The following SYT16 variants were observed in gnomAD, a reference collection of about 807,000 sequenced individuals.
SYT16 encodes synaptotagmin 16.
A neutral mutation model predicts 61.4 loss-of-function variants in SYT16; 42 were observed. The ratio of observed to expected loss-of-function variants is 0.68; its 90% CI spans 0.53 to 0.89. SYT16 has a LOEUF of 0.89. Among genes scored for constraint, SYT16 ranks in the 40% least tolerant of loss-of-function variants. The pLI is 0.00. For synonymous variants in SYT16, 314 were observed against 302.3 expected, an observed-to-expected ratio of 1.04 and a Z score of -0.40; for missense variants, 804 against 807.3, an observed-to-expected ratio of 1.00 and a Z score of 0.05.
intron 2 of SYT16, among the ~76,000 whole-genome samples, chr14:61,987,662 A>G (rs989821941): frequency 1.3e-5 from 2 of 152,122 alleles, no homozygotes; most frequent in African/African-American, 2.4e-5. Flanking sequence ...TAACTGTGCA[A>G]ATTACAAGGA....
rs192075181 is a variant in SYT16 at position 61,901,495 on chromosome 14, A to C, written c.-324-68637A>C. ...TTTTGAACTCTGCATTCTGGGTAGCAGTCTGTACCCTTAAGTAGTCTTGAT... is the reference window on the plus strand; with the variant it reads ...TTTTGAACTCTGCATTCTGGGTAGCCGTCTGTACCCTTAAGTAGTCTTGAT... On this transcript the variant is annotated intron_variant, in intron 1 of 7. Coordinates refer to ENST00000683842, the MANE Select transcript of SYT16 (RefSeq NM_001367656.1). Among the ~76,000 whole-genome samples, 213 of 152,290 alleles carry C rather than the reference A, an allele frequency of 1.4e-3. 1 individual carries two copies. Among genetic ancestry groups the C allele is most frequent in the African/African-American group, 5.0e-3 (208 of 41,562 alleles).
chr14:62,038,929 A>G (rs1309678452), intron 3 of SYT16, among the ~76,000 whole-genome samples: 1 of 152,186 alleles, frequency 6.6e-6, no homozygotes, highest in Non-Finnish European at 1.5e-5. Context: ...TTTTGTGCCT[A>G]CAAAGTGTTT....
chr14:62,065,054 T>C (rs901618237), intron 3 of SYT16, among the ~76,000 whole-genome samples: 2 of 151,648 alleles, frequency 1.3e-5, no homozygotes, highest in Non-Finnish European at 2.9e-5. Context: ...TAAGCCTGTA[T>C]GCACTCACAT....
intron 1 of SYT16, among the ~76,000 whole-genome samples, chr14:61,888,538 A>G (rs776988053): frequency 2.0e-5 from 3 of 152,238 alleles, no homozygotes; most frequent in Non-Finnish European, 4.4e-5. Context: ...ATTATTGATT[A>G]AGCTTACTGT....
At chr14:61,934,604 A>G (rs569430397) in intron 1 of SYT16, among the ~76,000 whole-genome samples, 2 of 152,298 alleles carry the variant, frequency 1.3e-5, no homozygotes, top group South Asian at 4.1e-4. Context: ...CACCACATTG[A>G]GATTTTATTG....
At chr14:61,832,236 G>A (rs2045962027) in intron 1 of SYT16, 2 of 622,176 alleles carry the variant, frequency 3.2e-6, no homozygotes, top group South Asian at 1.4e-5. Context: ...ATCGGGTACG[G>A]GATAGTCACG....
At chr14:61,832,218 T>C in intron 1 of SYT16, 7 of 638,528 alleles carry the variant, frequency 1.1e-5, no homozygotes, top group South Asian at 9.7e-5. Context: ...GTGCTTGACA[T>C]GGGCCACATC....
intron 1 of SYT16, among the ~76,000 whole-genome samples, chr14:61,834,887 G>A (rs1044999747): frequency 1.3e-5 from 2 of 152,194 alleles, no homozygotes; most frequent in Non-Finnish European, 2.9e-5. Context: ...AAAAAGATGT[G>A]TGTTGATATA....
intron 1 of SYT16, among the ~76,000 whole-genome samples, chr14:61,959,620 A>G (rs1040082774): frequency 6.6e-5 from 10 of 152,062 alleles, no homozygotes; most frequent in African/African-American, 9.7e-5. Flanking sequence ...TATTCTTACT[A>G]TCTTTTCTTT....
chr14:61,843,993 A>T (rs1279159574), intron 1 of SYT16, among the ~76,000 whole-genome samples: 2 of 152,208 alleles, frequency 1.3e-5, no homozygotes, highest in East Asian at 3.8e-4. Context: ...TGCTTTGGGT[A>T]GTATGAACAT....
intron 1 of SYT16, among the ~76,000 whole-genome samples, chr14:61,877,887 T>A (rs1433861836): frequency 3.3e-5 from 5 of 152,176 alleles, no homozygotes; most frequent in Non-Finnish European, 7.4e-5. Flanking sequence ...GGGAAACTGG[T>A]AGGTAGAACC....
intron 2 of SYT16, among the ~76,000 whole-genome samples, chr14:61,994,841 C>T (rs2052698508): frequency 6.6e-6 from 1 of 152,058 alleles, no homozygotes; most frequent in Admixed American, 6.6e-5. Flanking sequence ...CCATGAATGG[C>T]TAATAAAAAA....
intron 2 of SYT16, among the ~76,000 whole-genome samples, chr14:61,973,918 A>T (rs1189726875): frequency 6.6e-6 from 1 of 152,178 alleles, no homozygotes; most frequent in Non-Finnish European, 1.5e-5. Flanking sequence ...AGGAGGACAG[A>T]TGTGGGACCC....
At chr14:62,112,654 A>G (rs2057626670), downstream of SYT16, 1 of 152,210 alleles carries the variant, frequency 6.6e-6, no homozygotes, top group South Asian at 2.1e-4. Context: ...TAGTATATAC[A>G]AAAACCATTA....
intron 1 of SYT16, among the ~76,000 whole-genome samples, chr14:61,914,904 T>C (rs2049062435): frequency 6.6e-6 from 1 of 152,140 alleles, no homozygotes; most frequent in African/African-American, 2.4e-5. Flanking sequence ...CCTCCACTGG[T>C]TTCCAATTAT....
At chr14:61,964,162 T>C (rs1274838561) in intron 1 of SYT16, among the ~76,000 whole-genome samples, 1 of 152,190 alleles carries the variant, frequency 6.6e-6, no homozygotes, top group Non-Finnish European at 1.5e-5. Flanking sequence ...TAAGTTCAAC[T>C]TTCAAGCTCA....
rs561552408 is a variant in SYT16, at chr14:62,081,073, C to T, written c.1233C>T (p.Asn411=). 26 of 1,613,750 alleles carry T rather than the reference C, an allele frequency of 1.6e-5. No homozygotes were observed. The African/African-American group carries it at 2.0e-4, about 12-fold the overall frequency. The change falls in exon 6 of 8, where the codon AAC becomes AAT. Residue 411 remains asparagine, a synonymous_variant. Coordinates refer to ENST00000683842, the MANE Select transcript of SYT16 (RefSeq NM_001367656.1). ...GGACGAACATACAGAGAGGGCCCAA[C>T]CCCGTCTTCAGGGAGAAGGTCACCT... ...RGRTNIQRGP[N]PVFREKVTFA...
In SYT16 at chr14:62,111,778, G is replaced by GA. The variant is rs1268010590; in HGVS notation, c.*11077dup. ...GGTCCAGAGGTTCAAGAGAGAGAGAGAAAAAATTTCTCCTCAAAAGAATTG... is the reference window on the plus strand; with the variant it reads ...GGTCCAGAGGTTCAAGAGAGAGAGAGAAAAAAATTTCTCCTCAAAAGAATTG... On this transcript the variant is annotated 3_prime_UTR_variant, in exon 8 of 8. Coordinates refer to ENST00000683842, the MANE Select transcript of SYT16 (RefSeq NM_001367656.1). The GA allele has an allele frequency of 2.6e-5, 4 of 151,972 alleles. No individual in the cohort carries two copies. The highest frequency in any genetic ancestry group is 5.9e-5 in the Non-Finnish European group (4 of 67,912). 9.4% of individuals were successfully genotyped at this position (151,972 alleles called of 1,614,324 possible). A position where few individuals can be genotyped will look rare whatever the true frequency, so the allele number is the denominator to read the frequency against.
chr14:61,945,589 C>T (rs927131811), intron 1 of SYT16, among the ~76,000 whole-genome samples: 27 of 152,146 alleles, frequency 1.8e-4, no homozygotes, highest in Admixed American at 2.6e-4. Context: ...GGCGCGGTGG[C>T]TCACGCCTGT....
Sources: allele counts gnomAD v4.1 joint callset (sites outside exome capture counted in the v4.1 genomes callset), GRCh38; gene constraint gnomAD v4.1.1; transcripts MANE v1.5; gene names NCBI Gene and HGNC (gene_info 2026-07-23, HGNC 2026-07-21).